WWC1: variants seen among roughly 807,000 people sequenced by gnomAD.
WWC1 encodes the protein WW and C2 domain containing 1.
WWC1 carries 55 observed loss-of-function variants against 138.4 expected under a neutral mutation model. The ratio of observed to expected loss-of-function variants is 0.40; its 90% CI spans 0.32 to 0.50. WWC1 has a LOEUF of 0.50. Ranked by LOEUF, WWC1 falls within the 20% of genes least tolerant of loss-of-function variation. WWC1 has a pLI of 0.72. For synonymous variants in WWC1, 524 were observed against 564.9 expected, an observed-to-expected ratio of 0.93 and a Z score of 1.03; for missense variants, 1,226 against 1,420.4, an observed-to-expected ratio of 0.86 and a Z score of 2.20.
rs746272521 is a variant in WWC1 at position 168,371,544 on chromosome 5, G to A, written c.229+11G>A. The A allele has an allele frequency of 1.6e-5, 25 of 1,601,836 alleles. 2 individuals are homozygous for A. Among genetic ancestry groups the A allele is most frequent in the South Asian group, 1.2e-4 (11 of 90,540 alleles). On this transcript the variant is annotated intron_variant, in intron 2 of 22. Transcript: ENST00000265293. ...TAGACCACAACACCAGTAAGTTCCC[G>A]ACGGTCCTCCCTTCCCTGTGCCCTC...
At chr5:168,301,651 A>G (rs1276578282) in intron 1 of WWC1, among the ~76,000 whole-genome samples, 1 of 152,016 alleles carries the variant, frequency 6.6e-6, no homozygotes, top group South Asian at 2.1e-4. Flanking sequence ...AAAAAAAAAA[A>G]AAAAGTAAGT....
chr5:168,366,128 T>G (rs1239247666), intron 1 of WWC1, among the ~76,000 whole-genome samples: 1 of 151,984 alleles, frequency 6.6e-6, no homozygotes, highest in Non-Finnish European at 1.5e-5. Flanking sequence ...GGACGGGGGG[T>G]GGCTGGTTTA....
intron 2 of WWC1, among the ~76,000 whole-genome samples, chr5:168,383,552 CAT>C (rs1364049483): frequency 1.3e-5 from 2 of 152,156 alleles, no homozygotes; most frequent in African/African-American, 4.8e-5. Flanking sequence ...CCGGGCTAGG[CAT>C]ATGACATAAA....
intron 4 of WWC1, among the ~76,000 whole-genome samples, chr5:168,398,013 A>G (rs1259021701): frequency 6.8e-6 from 1 of 147,016 alleles, no homozygotes; most frequent in Non-Finnish European, 1.5e-5. Context: ...TGTACCAGGC[A>G]CAGTGCGAAA....
chr5:168,441,268 G>A (rs531018164), intron 15 of WWC1, among the ~76,000 whole-genome samples: 15 of 152,276 alleles, frequency 9.9e-5, no homozygotes, highest in Admixed American at 8.5e-4. Context: ...CTGTGGGGAA[G>A]GGGAAAAAGA....
chr5:168,412,661 T>C (rs1355363094), intron 8 of WWC1, among the ~76,000 whole-genome samples: 1 of 152,132 alleles, frequency 6.6e-6, no homozygotes, highest in Non-Finnish European at 1.5e-5. Context: ...CTACAGTCAG[T>C]CCTCTGTACC....
chr5:168,386,875 C>G (rs1778088830), intron 3 of WWC1, among the ~76,000 whole-genome samples: 1 of 151,974 alleles, frequency 6.6e-6, no homozygotes, highest in Non-Finnish European at 1.5e-5. Flanking sequence ...TTCTTGAACT[C>G]CTGACCTCAG....
In WWC1 at chr5:168,338,250, G is replaced by A. The variant is rs942455218; in HGVS notation, c.120-33174G>A. 3.3e-5 allele frequency among the ~76,000 whole-genome samples: 5 copies of A among 151,338 alleles called. No homozygotes were observed. The East Asian group carries it at 1.0e-3, about 30-fold the overall frequency. ...CACTGGAAGCAGGGAGGCGGAGGTT[G>A]TGGTGAGCCGAGATCGCGCCACTGC... On this transcript the variant is annotated intron_variant, in intron 1 of 22. Coordinates refer to ENST00000265293, the MANE Select transcript of WWC1 (RefSeq NM_015238.3).
At chr5:168,381,756 C>CTT (rs566178060) in intron 2 of WWC1, among the ~76,000 whole-genome samples, 25 of 114,328 alleles carry the variant, frequency 2.2e-4, no homozygotes, top group African/African-American at 8.0e-4. Flanking sequence ...GGGGTTCAGG[C>CTT]TTTTTTTTTT....
rs1325067384 is a variant in WWC1, at chr5:168,292,407, C to T, written c.119+136C>T. 17 of 1,012,176 alleles carry T rather than the reference C, an allele frequency of 1.7e-5. No individual in the cohort carries two copies. Among genetic ancestry groups the T allele is most frequent in the Admixed American group, 3.2e-5 (1 of 31,296 alleles). 62.7% of individuals were successfully genotyped at this position (1,012,176 alleles called of 1,614,324 possible). ...TTGAGCTCTCTTCAGTTCGCCACCC[C>T]CTGCTCCCCCCAACCTTCTGGAGCG... On this transcript the variant is annotated intron_variant, in intron 1 of 22. Transcript: ENST00000265293. This position sits in a 1 kb window ranked among gnomAD's most constrained non-coding sequence, Gnocchi z 4.4.
At chr5:168,338,391 C>T (rs1773684885) in intron 1 of WWC1, among the ~76,000 whole-genome samples, 1 of 150,028 alleles carries the variant, frequency 6.7e-6, no homozygotes, top group African/African-American at 2.5e-5. Flanking sequence ...TTAGAAGTGA[C>T]AGGATAGAGT....
At chr5:168,352,251 C>T (rs1775026337) in intron 1 of WWC1, among the ~76,000 whole-genome samples, 3 of 152,142 alleles carry the variant, frequency 2.0e-5, no homozygotes, top group Non-Finnish European at 4.4e-5. Flanking sequence ...ATCAGGTGGT[C>T]AAATAATGTT....
At chr5:168,376,036 T>G (rs1251296212) in intron 2 of WWC1, among the ~76,000 whole-genome samples, 1 of 151,544 alleles carries the variant, frequency 6.6e-6, no homozygotes, top group Non-Finnish European at 1.5e-5. Flanking sequence ...TAAGGGATGC[T>G]ATATAATCTT....
chr5:168,291,918 G>T lies in WWC1; in HGVS notation c.-235G>T. 4.4e-6 allele frequency: 1 copy of T among 228,246 alleles called. No homozygotes were observed. Among genetic ancestry groups the T allele is most frequent in the Non-Finnish European group, 8.2e-6 (1 of 121,438 alleles). 14.1% of individuals were successfully genotyped at this position (228,246 alleles called of 1,614,324 possible). ...GCACCGCGCCGCTGCGGACGCACAT[G>T]GCAGCGTGAGAGGCCGGCGGCGGGA... On this transcript the variant is annotated 5_prime_UTR_variant, in exon 1 of 23. It removes an upstream start codon present in the reference 5' UTR. Coordinates refer to ENST00000265293, the MANE Select transcript of WWC1 (RefSeq NM_015238.3).
In WWC1 at chr5:168,401,523, C is replaced by T. The variant is rs58022972; in HGVS notation, c.590+1956C>T. Among the ~76,000 whole-genome samples the T allele has an allele frequency of 9.3e-3, 1,409 of 152,290 alleles. 26 individuals are homozygous for T. Among genetic ancestry groups the T allele is most frequent in the African/African-American group, 0.032 (1,327 of 41,570 alleles). On this transcript the variant is annotated intron_variant, in intron 5 of 22. Coordinates refer to ENST00000265293, the MANE Select transcript of WWC1 (RefSeq NM_015238.3). ...ATTAGTTGAGGGAACTGTGGTCATC[C>T]GTTGAGGGACCAGTTGGTTCTTTTT...
At chr5:168,319,887 A>G (rs748107451) in intron 1 of WWC1, among the ~76,000 whole-genome samples, 7 of 152,006 alleles carry the variant, frequency 4.6e-5, no homozygotes, top group Non-Finnish European at 7.4e-5. Flanking sequence ...AAGGGTTCCA[A>G]TTTCTCCACG....
At chr5:168,425,402 C>T (rs1022443022) in intron 11 of WWC1, among the ~76,000 whole-genome samples, 7 of 152,130 alleles carry the variant, frequency 4.6e-5, no homozygotes, top group East Asian at 1.9e-4. Flanking sequence ...TGATATATAG[C>T]GTACAGGTGT....
intron 9 of WWC1, among the ~76,000 whole-genome samples, chr5:168,419,126 G>A (rs902679248): frequency 8.5e-5 from 13 of 152,186 alleles, no homozygotes; most frequent in African/African-American, 3.1e-4. Flanking sequence ...GCTTGGATGT[G>A]TGGGTAGAGG....
Position 168,422,093 on chromosome 5 carries a change from A to G in WWC1, c.1270A>G (p.Lys424Glu), listed in dbSNP as rs770947385. 10 of 1,611,806 alleles carry G rather than the reference A, an allele frequency of 6.2e-6. No homozygotes were observed. The highest frequency in any genetic ancestry group is 1.7e-5 in the Admixed American group (1 of 59,930). The change falls in exon 10 of 23, where the codon AAA becomes GAA. Residue 424 changes from lysine to glutamate, a missense_variant. Lys to Glu is a moderately conservative substitution (Grantham distance 56). Around this residue, in one of 3 missense-constraint regions of WWC1, gnomAD observed 1,016 missense variants for 1,153.9 expected, o/e 0.88. Transcript: ENST00000265293. ...RQVATLHSQL[K>E]SLSSSMQSLS... ...GGTGGCAACTCTGCACTCCCAGCTG[A>G]AAAGGTGAGTGGTGGGCGGTGAGGC...
Sources: allele counts gnomAD v4.1 joint callset (sites outside exome capture counted in the v4.1 genomes callset), GRCh38; gene constraint gnomAD v4.1.1; regional missense constraint gnomAD v4.1.1; non-coding constraint Gnocchi (gnomAD v3.1); transcripts MANE v1.5; gene names NCBI Gene and HGNC (gene_info 2026-07-23, HGNC 2026-07-21).